Variants in FRMD4A observed in about 807,000 individuals in gnomAD.
FRMD4A encodes the protein FERM domain containing 4A.
In FRMD4A, 29 loss-of-function variants were observed where a neutral mutation model predicts 129.1. The ratio of observed to expected loss-of-function variants is 0.22; its 90% CI spans 0.17 to 0.31. The LOEUF (loss-of-function observed/expected upper bound fraction) is 0.31. FRMD4A is among the 10% of genes least tolerant of loss of function. The pLI is 1.00. For synonymous variants in FRMD4A, 634 were observed against 571.6 expected, an observed-to-expected ratio of 1.11 and a Z score of -1.56; for missense variants, 1,272 against 1,375.8, an observed-to-expected ratio of 0.92 and a Z score of 1.19.
chr10:13,973,943 T>C (rs2095531043), intron 2 of FRMD4A, among the ~76,000 whole-genome samples: 1 of 152,040 alleles, frequency 6.6e-6, no homozygotes, highest in African/African-American at 2.4e-5. Context: ...ACTAATGCTC[T>C]CCAACCTCTG....
intron 2 of FRMD4A, among the ~76,000 whole-genome samples, chr10:13,982,497 AG>A (rs1355173487): frequency 6.0e-4 from 9 of 15,092 alleles, no homozygotes; most frequent in African/African-American, 1.0e-3. Flanking sequence ...AGGGGAGGGG[AG>A]GGGGGGGAAG....
intron 2 of FRMD4A, among the ~76,000 whole-genome samples, chr10:13,984,690 T>C (rs1238110262): frequency 6.6e-6 from 1 of 152,242 alleles, no homozygotes; most frequent in African/African-American, 2.4e-5. Context: ...TCATCCGTGG[T>C]GTAGCATGTG....
rs185989586 is a variant in FRMD4A at position 13,894,398 on chromosome 10, A to C, written c.46-35486T>G. The stretch of plus-strand genomic sequence containing the variant: ...AAGGACCCCCTGGTCATCCAGTCTT[A>C]TCTTTTGCCACCCAGCCCCACCAGA... On this transcript the variant is annotated intron_variant, in intron 2 of 24. Transcript: ENST00000357447. 3.1e-3 allele frequency among the ~76,000 whole-genome samples: 476 copies of C among 152,236 alleles called. 4 individuals carry two copies. The highest frequency in any genetic ancestry group is 0.011 in the African/African-American group (459 of 41,520).
chr10:13,646,939 G>T lies in FRMD4A; in HGVS notation c.*99C>A. On this transcript the variant is annotated 3_prime_UTR_variant, in exon 25 of 25. Transcript: ENST00000357447. Reference sequence around the variant, plus strand: ...CAGATTAGGCCGGGCTGGCTCACACGAGGGTCCCGGGCTTGGCTTTTTCCT... The same window carrying T: ...CAGATTAGGCCGGGCTGGCTCACACTAGGGTCCCGGGCTTGGCTTTTTCCT... The T allele has an allele frequency of 1.0e-6, 1 of 967,350 alleles. No individual in the cohort carries two copies. Among genetic ancestry groups the T allele is most frequent in the Non-Finnish European group, 1.2e-6 (1 of 812,894 alleles). The allele number at this position is 967,350 out of a possible 1,614,324, so 59.9% of individuals were successfully genotyped here.
At chr10:13,750,093 A>AAAGAAATAAATG (rs1554880578) in intron 8 of FRMD4A, among the ~76,000 whole-genome samples, 8 of 80,648 alleles carry the variant, frequency 9.9e-5, no homozygotes, top group African/African-American at 3.0e-4. Flanking sequence ...AGAAAGAAAG[A>AAAGAAATAAATG]AAGAAAGAAA....
intron 19 of FRMD4A, among the ~76,000 whole-genome samples, chr10:13,661,607 C>T (rs990488172): frequency 3.3e-5 from 5 of 152,180 alleles, no homozygotes; most frequent in Middle Eastern, 3.4e-3. Context: ...ACGGATGCGT[C>T]GGAGTGAAAA....
intron 3 of FRMD4A, among the ~76,000 whole-genome samples, chr10:13,816,203 C>A (rs1363570311): frequency 6.6e-6 from 1 of 152,186 alleles, no homozygotes; most frequent in Non-Finnish European, 1.5e-5. Context: ...TTATTACTTG[C>A]AATTTACAAA....
rs368343592 is a variant in FRMD4A, at chr10:13,870,506, G to A, written c.46-11594C>T. Among the ~76,000 whole-genome samples, 91 of 152,318 alleles carry A rather than the reference G, an allele frequency of 6.0e-4. 2 individuals carry two copies. The highest frequency in any genetic ancestry group is 2.1e-3 in the African/African-American group (86 of 41,580). Reference sequence around the variant, plus strand: ...CACTCAAAGTCCAAAGCCCATCGCTGTGGTCTCCTCTACGCCATGCATTCA... The same window carrying A: ...CACTCAAAGTCCAAAGCCCATCGCTATGGTCTCCTCTACGCCATGCATTCA... On this transcript the variant is annotated intron_variant, in intron 2 of 24. Transcript: ENST00000357447.
intron 4 of FRMD4A, among the ~76,000 whole-genome samples, chr10:13,800,231 G>GT (rs1308314945): frequency 6.6e-6 from 1 of 152,120 alleles, no homozygotes; most frequent in Non-Finnish European, 1.5e-5. Context: ...TCAACGATCA[G>GT]TTTTCAACAT....
At chr10:13,685,550 C>T in intron 15 of FRMD4A, 2 of 985,344 alleles carry the variant, frequency 2.0e-6, no homozygotes, top group Non-Finnish European at 2.4e-6. Context: ...TGCAGGTTAA[C>T]TGTGAATTTC....
chr10:13,959,879 G>A (rs1163583852), intron 2 of FRMD4A, among the ~76,000 whole-genome samples: 2 of 152,156 alleles, frequency 1.3e-5, no homozygotes, highest in Non-Finnish European at 2.9e-5. Context: ...GGGCATCCTC[G>A]TGCTCTCTAT....
rs1158203013 is a variant in FRMD4A, at chr10:13,891,486, G to A, written c.46-32574C>T. ...TGCATTTAAAAACTGTAACATACGC[G>A]AAATAAACGACTCCAGGCCCCCAGT... On this transcript the variant is annotated intron_variant, in intron 2 of 24. Transcript: ENST00000357447. 3 of 527,834 alleles carry A rather than the reference G, an allele frequency of 5.7e-6. No individual in the cohort carries two copies. The African/African-American group carries it at 6.3e-5, about 11-fold the overall frequency. 32.7% of individuals were successfully genotyped at this position (527,834 alleles called of 1,614,324 possible).
At chr10:14,133,988 G>A (rs1839401412) in intron 2 of FRMD4A, among the ~76,000 whole-genome samples, 1 of 152,180 alleles carries the variant, frequency 6.6e-6, no homozygotes, top group South Asian at 2.1e-4. Flanking sequence ...TCTGATTGGA[G>A]TCTATCTTGT....
At chr10:13,747,607 G>C (rs775189967) in intron 9 of FRMD4A, 129 bp downstream of exon 9, 15 of 464,800 alleles carry the variant, frequency 3.2e-5, no homozygotes, top group Non-Finnish European at 5.0e-5. Flanking sequence ...GAAGACACAG[G>C]GTACTTAATA....
chr10:14,158,024 C>G (rs900405087), intron 2 of FRMD4A, among the ~76,000 whole-genome samples: 2 of 152,092 alleles, frequency 1.3e-5, no homozygotes, highest in African/African-American at 4.8e-5. Flanking sequence ...TCTGGTGAAG[C>G]ACCAGCAATA....
intron 2 of FRMD4A, among the ~76,000 whole-genome samples, chr10:14,060,676 C>T (rs1020126870): frequency 6.6e-6 from 1 of 152,106 alleles, no homozygotes; most frequent in Non-Finnish European, 1.5e-5. Context: ...ATAAGGTACG[C>T]AAATCATTTC....
intron 2 of FRMD4A, among the ~76,000 whole-genome samples, chr10:14,319,446 T>C (rs1846890540): frequency 6.6e-6 from 1 of 151,630 alleles, no homozygotes; most frequent in African/African-American, 2.4e-5. Flanking sequence ...CATATGTTCC[T>C]AGTTCGGCCA....
intron 2 of FRMD4A, among the ~76,000 whole-genome samples, chr10:14,204,999 T>C (rs1288059807): frequency 1.3e-5 from 2 of 151,874 alleles, no homozygotes; most frequent in Non-Finnish European, 2.9e-5. Flanking sequence ...CCACCCCACG[T>C]GTCTCTGCCT....
intron 2 of FRMD4A, among the ~76,000 whole-genome samples, chr10:14,245,543 G>T (rs1844203911): frequency 6.6e-6 from 1 of 152,160 alleles, no homozygotes; most frequent in African/African-American, 2.4e-5. Flanking sequence ...ATCTGTTGAA[G>T]TTCTAATCCC....
Sources: allele counts gnomAD v4.1 joint callset (sites outside exome capture counted in the v4.1 genomes callset), GRCh38; gene constraint gnomAD v4.1.1; transcripts MANE v1.5; gene names NCBI Gene and HGNC (gene_info 2026-07-23, HGNC 2026-07-21).